Variants in KLHL14 observed in about 807,000 individuals in gnomAD.
KLHL14 encodes kelch like family member 14.
A neutral mutation model predicts 64.3 loss-of-function variants in KLHL14; 22 were observed. The ratio of observed to expected loss-of-function variants is 0.34; its 90% CI spans 0.24 to 0.49. The LOEUF (loss-of-function observed/expected upper bound fraction) is 0.49, where lower values mean the gene tolerates loss of function less well. Among genes scored for constraint, KLHL14 ranks in the 20% least tolerant of loss-of-function variants. The pLI is 0.99. For missense variants in KLHL14, 661 were observed against 789.0 expected, an observed-to-expected ratio of 0.84 and a Z score of 1.94; for synonymous variants, 322 against 333.4, an observed-to-expected ratio of 0.97 and a Z score of 0.37.
intron 3 of KLHL14, among the ~76,000 whole-genome samples, chr18:32,728,802 A>T (rs891340061): frequency 6.6e-6 from 1 of 152,338 alleles, no homozygotes; most frequent in Admixed American, 6.5e-5. Flanking sequence ...CAGAGGAGTG[A>T]CACGGGGAAG....
chr18:32,730,706 C>T (rs770657145), intron 3 of KLHL14, among the ~76,000 whole-genome samples: 1 of 152,162 alleles, frequency 6.6e-6, no homozygotes. Flanking sequence ...GAAAGTGATA[C>T]ATCATTGCCT....
At chr18:32,759,808 T>C (rs1339205415) in intron 2 of KLHL14, among the ~76,000 whole-genome samples, 2 of 152,130 alleles carry the variant, frequency 1.3e-5, no homozygotes, top group African/African-American at 2.4e-5. Flanking sequence ...ACAGTTGCTA[T>C]AGTAACCAAT....
intron 8 of KLHL14, among the ~76,000 whole-genome samples, chr18:32,675,019 A>T (rs1263096543): frequency 2.0e-5 from 3 of 152,170 alleles, no homozygotes; most frequent in African/African-American, 7.2e-5. Context: ...GTGACTAATA[A>T]TAAAAGTTAA....
chr18:32,769,835 G>C lies in KLHL14; in HGVS notation c.757C>G (p.Arg253Gly). 1 of 1,613,786 alleles carries C rather than the reference G, an allele frequency of 6.2e-7. No homozygotes were observed. The highest frequency in any genetic ancestry group is 8.5e-7 in the Non-Finnish European group (1 of 1,180,000). The change falls in exon 2 of 9, where the codon CGC becomes GGC. Residue 253 changes from arginine (R) to glycine (G), a missense_variant. This residue lies in a region of KLHL14 where 331 missense variants were observed against 339.0 expected (regional missense o/e 0.98). Transcript: ENST00000359358. ...ATGAGGTCAGGCGCATACTGCATGC[G>C]GGTCTCGCGGTCGTGCTCCAGCCAC... ...VLWLEHDRET[R>G]MQYAPDLMKR...
intron 3 of KLHL14, among the ~76,000 whole-genome samples, chr18:32,719,851 G>C (rs2050067541): frequency 6.6e-6 from 1 of 152,200 alleles, no homozygotes; most frequent in Non-Finnish European, 1.5e-5. Flanking sequence ...CGGGTGCTTG[G>C]TCAGAAGGAC....
intron 3 of KLHL14, among the ~76,000 whole-genome samples, chr18:32,733,390 G>GAGAGAA (rs2050146860): frequency 1.4e-5 from 1 of 70,772 alleles, no homozygotes; most frequent in African/African-American, 6.9e-5. Flanking sequence ...AGAGAGAAAG[G>GAGAGAA]AGAGAGAGAG....
chr18:32,770,248 A>G lies in KLHL14; in HGVS notation c.344T>C (p.Leu115Pro). The change falls in exon 2 of 9, where the codon CTG becomes CCG. Residue 115 changes from leucine (L) to proline (P), a missense_variant. By Grantham distance (98) the Leu-to-Pro change is moderately conservative. Transcript: ENST00000359358. This position sits in a 1 kb window ranked among gnomAD's most constrained non-coding sequence, Gnocchi z 6.7. ...GTPSSSPDDK[L>P]LTSPRAINNL... ...GTTGATGGCCCGGGGGCTGGTCAGC[A>G]GCTTGTCGTCGGGGGAGGAAGAAGG... 2 of 1,598,884 alleles carry G rather than the reference A, an allele frequency of 1.3e-6. No homozygotes were observed. The highest frequency in any genetic ancestry group is 1.7e-6 in the Non-Finnish European group (2 of 1,170,474).
chr18:32,729,092 G>A (rs1386922682), intron 3 of KLHL14, among the ~76,000 whole-genome samples: 1 of 152,174 alleles, frequency 6.6e-6, no homozygotes, highest in African/African-American at 2.4e-5. Context: ...AAAAGTTGGG[G>A]TTTGTGGAAG....
intron 2 of KLHL14, among the ~76,000 whole-genome samples, chr18:32,769,144 G>A (rs2050362852): frequency 6.6e-6 from 1 of 152,204 alleles, no homozygotes; most frequent in Admixed American, 6.5e-5. Flanking sequence ...ACTTGAGTGT[G>A]TGACGGCAAG....
rs60814600 is a variant in KLHL14 at position 32,760,339 on chromosome 18, T to TACACACACACACACAC, written c.947+9290_947+9305dup. Among the ~76,000 whole-genome samples the TACACACACACACACAC allele has an allele frequency of 3.3e-3, 484 of 146,942 alleles. 1 individual carries two copies. Among genetic ancestry groups the TACACACACACACACAC allele is most frequent in the Middle Eastern group, 0.01 (3 of 288 alleles). On this transcript the variant is annotated intron_variant, in intron 2 of 8. Coordinates refer to ENST00000359358, the MANE Select transcript of KLHL14 (RefSeq NM_020805.3). ...TGATTGGACTGTGTACACACAGACA[T>TACACACACACACACAC]ACACACACACACACACACACACATA...
intron 2 of KLHL14, among the ~76,000 whole-genome samples, chr18:32,756,424 C>CAT (rs1337153290): frequency 6.6e-6 from 1 of 151,762 alleles, no homozygotes; most frequent in East Asian, 1.9e-4. Context: ...CACACACACA[C>CAT]ATGCAAATGT....
At chr18:32,699,042 C>A (rs924421803) in intron 3 of KLHL14, among the ~76,000 whole-genome samples, 1 of 152,126 alleles carries the variant, frequency 6.6e-6, no homozygotes, top group African/African-American at 2.4e-5. Flanking sequence ...ATCTCTGCCA[C>A]AATTAACTTA....
At chr18:32,771,070 C>A in intron 1 of KLHL14, 1 of 281,034 alleles carries the variant, frequency 3.6e-6, no homozygotes, top group South Asian at 2.5e-5. Context: ...GCCGGGGGTG[C>A]CCTGAAAGCT....
chr18:32,724,060 A>G (rs1344395984), intron 3 of KLHL14, among the ~76,000 whole-genome samples: 1 of 152,192 alleles, frequency 6.6e-6, no homozygotes, highest in Non-Finnish European at 1.5e-5. Flanking sequence ...TTAGAAAGAG[A>G]TCAAATAATG....
chr18:32,712,168 G>T (rs766593574), intron 3 of KLHL14, among the ~76,000 whole-genome samples: 37 of 152,132 alleles, frequency 2.4e-4, no homozygotes, highest in Non-Finnish European at 4.6e-4. Context: ...GAGATCTAAT[G>T]ATCTGCAAAG....
intron 2 of KLHL14, among the ~76,000 whole-genome samples, chr18:32,748,342 T>C (rs1653366517): frequency 6.8e-6 from 1 of 147,934 alleles, no homozygotes; most frequent in Non-Finnish European, 1.5e-5. Context: ...TTTTGTATTT[T>C]GTATTTTTGT....
chr18:32,740,873 T>G (rs1387538410), intron 3 of KLHL14: 2 of 152,168 alleles, frequency 1.3e-5, no homozygotes, highest in African/African-American at 4.8e-5. Context: ...AGCTCCAAAA[T>G]GTATTATTTC....
chr18:32,684,699 G>T (rs908172438), intron 5 of KLHL14, among the ~76,000 whole-genome samples: 1 of 105,460 alleles, frequency 9.5e-6, no homozygotes. Context: ...GGTAGGCGGG[G>T]AACTTCCGGT....
intron 3 of KLHL14, among the ~76,000 whole-genome samples, chr18:32,705,427 A>G (rs983211554): frequency 2.0e-5 from 3 of 152,236 alleles, no homozygotes; most frequent in Non-Finnish European, 2.9e-5. Flanking sequence ...AAATTTTTTA[A>G]AAGATTGTAT....
Sources: allele counts gnomAD v4.1 joint callset (sites outside exome capture counted in the v4.1 genomes callset), GRCh38; gene constraint gnomAD v4.1.1; regional missense constraint gnomAD v4.1.1; non-coding constraint Gnocchi (gnomAD v3.1); transcripts MANE v1.5; gene names NCBI Gene and HGNC (gene_info 2026-07-23, HGNC 2026-07-21).